The following ZNF618 variants were observed in gnomAD, a reference collection of about 807,000 sequenced individuals.
ZNF618 encodes the protein zinc finger protein 618, also known as neural precursor cell expressed, developmentally down-regulated 10.
ZNF618 carries 34 observed loss-of-function variants against 103.0 expected under a neutral mutation model. The ratio of observed to expected loss-of-function variants is 0.33; its 90% CI spans 0.25 to 0.44. The LOEUF (loss-of-function observed/expected upper bound fraction) is 0.44, where lower values mean the gene tolerates loss of function less well. Ranked by LOEUF, ZNF618 falls within the 20% of genes least tolerant of loss-of-function variation. ZNF618 has a pLI of 1.00. For missense variants in ZNF618, 1,059 were observed against 1,295.4 expected (o/e 0.82, Z 2.80); for synonymous variants, 551 against 542.2 (o/e 1.02, Z -0.23).
intron 1 of ZNF618, among the ~76,000 whole-genome samples, chr9:113,905,570 GA>G (rs1397831589): frequency 6.6e-6 from 1 of 152,200 alleles, no homozygotes; most frequent in Non-Finnish European, 1.5e-5. Flanking sequence ...AAAGCCTGTA[GA>G]CCAGGAGTCT....
intron 1 of ZNF618, among the ~76,000 whole-genome samples, chr9:113,880,682 G>T (rs1293195876): frequency 1.3e-5 from 2 of 152,236 alleles, no homozygotes; most frequent in South Asian, 2.1e-4. Context: ...GAATATAGGG[G>T]AACAAAAAAT....
intron 3 of ZNF618, among the ~76,000 whole-genome samples, chr9:113,996,624 A>T (rs1268749706): frequency 3.3e-5 from 5 of 152,042 alleles, no homozygotes; most frequent in African/African-American, 4.8e-5. Flanking sequence ...GTGAACTCGG[A>T]TTAGTTGGGA....
At chr9:113,959,087 C>T (rs140796615) in intron 1 of ZNF618, among the ~76,000 whole-genome samples, 1,721 of 152,194 alleles carry the variant, frequency 0.011, 29 homozygotes, top group African/African-American at 0.04. Flanking sequence ...ATCGGGAGTT[C>T]GAGACCAGCC....
chr9:113,986,309 C>G (rs1288763353), intron 2 of ZNF618, among the ~76,000 whole-genome samples: 1 of 152,246 alleles, frequency 6.6e-6, no homozygotes, highest in Non-Finnish European at 1.5e-5. Flanking sequence ...TTGCTCCTGA[C>G]TGGTTTTCCC....
chr9:114,046,570 G>T (rs1309275693), intron 13 of ZNF618, among the ~76,000 whole-genome samples: 1 of 152,198 alleles, frequency 6.6e-6, no homozygotes, highest in Non-Finnish European at 1.5e-5. Context: ...TCTACATGTT[G>T]AATAGAAGAA....
intron 1 of ZNF618, among the ~76,000 whole-genome samples, chr9:113,905,058 A>C (rs1192807027): frequency 6.6e-6 from 1 of 150,894 alleles, no homozygotes; most frequent in Non-Finnish European, 1.5e-5. Context: ...CAGTCATTAA[A>C]TTACTTGGAA....
chr9:114,053,900 C>T lies in ZNF618; in HGVS notation c.*3733C>T, dbSNP rs949688789. ...GTGAGGAAGCTTTGCCACCATCCTG[C>T]TTGGCAGCTTCACACTTGACATCTG... On this transcript the variant is annotated 3_prime_UTR_variant, in exon 15 of 15. Transcript: ENST00000374126. 6.6e-6 allele frequency: 1 copy of T among 152,256 alleles called. No homozygotes were observed. The highest frequency in any genetic ancestry group is 1.5e-5 in the Non-Finnish European group (1 of 68,066). 9.4% of individuals were successfully genotyped at this position (152,256 alleles called of 1,614,324 possible).
At chr9:113,953,486 G>A (rs1372542384) in intron 1 of ZNF618, among the ~76,000 whole-genome samples, 1 of 152,218 alleles carries the variant, frequency 6.6e-6, no homozygotes, top group Non-Finnish European at 1.5e-5. Flanking sequence ...TGCTTTTAGG[G>A]ATATTGTATA....
At chr9:114,004,843 A>G (rs1240319434) in intron 6 of ZNF618, among the ~76,000 whole-genome samples, 1 of 152,246 alleles carries the variant, frequency 6.6e-6, no homozygotes, top group Non-Finnish European at 1.5e-5. Context: ...AGGCGGGCCT[A>G]GAAATGAAAT....
At chr9:114,009,240 G>A (rs1051400108) in intron 9 of ZNF618, among the ~76,000 whole-genome samples, 1 of 152,144 alleles carries the variant, frequency 6.6e-6, no homozygotes, top group Non-Finnish European at 1.5e-5. Flanking sequence ...GGGAGCTGTG[G>A]GAGGCCTGAG....
chr9:113,930,130 C>T lies in ZNF618; in HGVS notation c.34-38987C>T, dbSNP rs1438327952. 4.6e-5 allele frequency among the ~76,000 whole-genome samples: 7 copies of T among 152,288 alleles called. No homozygotes were observed. In the South Asian group the frequency reaches 6.2e-4, roughly 14 times the overall value. On this transcript the variant is annotated intron_variant, in intron 1 of 14. Coordinates refer to ENST00000374126, the MANE Select transcript of ZNF618 (RefSeq NM_001318042.2). ...TTTGCAAAGGAGACCTAGTGTTACACGTTGTCTGTAGGTTCTGAAGCCAAA... is the reference window on the plus strand; with the variant it reads ...TTTGCAAAGGAGACCTAGTGTTACATGTTGTCTGTAGGTTCTGAAGCCAAA...
rs928545572 is a variant in ZNF618, at chr9:113,884,781, A to C, written c.33+8368A>C. ...TATCGAGACACAAACACACAGAGAGAGAGAGAGAGAGAGAGAGAGAGAGAG... is the reference window on the plus strand; with the variant it reads ...TATCGAGACACAAACACACAGAGAGCGAGAGAGAGAGAGAGAGAGAGAGAG... On this transcript the variant is annotated intron_variant, in intron 1 of 14. Transcript: ENST00000374126. Among the ~76,000 whole-genome samples, 28 of 121,044 alleles carry C rather than the reference A, an allele frequency of 2.3e-4. No homozygotes were observed. The South Asian group carries it at 4.0e-3, about 17-fold the overall frequency. The allele number at this position is 121,044 out of a possible 152,430, so 79.4% of individuals were successfully genotyped here. A position where few individuals can be genotyped will look rare whatever the true frequency, so the allele number is the denominator to read the frequency against.
At chr9:113,898,104 T>A (rs554787549) in intron 1 of ZNF618, among the ~76,000 whole-genome samples, 2 of 151,990 alleles carry the variant, frequency 1.3e-5, no homozygotes, top group Non-Finnish European at 2.9e-5. Context: ...CTTAACTGGT[T>A]TAATGGTGTT....
chr9:113,915,749 G>A (rs1832011807), intron 1 of ZNF618, among the ~76,000 whole-genome samples: 1 of 151,954 alleles, frequency 6.6e-6, no homozygotes, highest in Admixed American at 6.6e-5. Context: ...ATAGAGAGAG[G>A]TAGATGGATG....
chr9:113,957,612 C>T (rs1218214433), intron 1 of ZNF618, among the ~76,000 whole-genome samples: 3 of 152,132 alleles, frequency 2.0e-5, no homozygotes, highest in African/African-American at 7.2e-5. Context: ...ATTACCCTGG[C>T]CATATCAAAG....
rs759571727 is a variant in ZNF618 at position 114,028,804 on chromosome 9, C to T, written c.916C>T (p.Pro306Ser). Reference sequence around the variant, plus strand: ...TGAGTGTTCACATCCAGAGGTCTCCCCATCTCCACGCTTCGTGGCAGCGAA... The same window carrying T: ...TGAGTGTTCACATCCAGAGGTCTCCTCATCTCCACGCTTCGTGGCAGCGAA... ...GSECSHPEVS[P>S]SPRFVAAKTQ... Residue 306 changes from proline to serine, a missense_variant, in exon 11 of 15, where the codon CCA (proline) becomes TCA (serine). Physicochemically the swap from Pro to Ser is moderately conservative, Grantham distance 74. Coordinates refer to ENST00000374126, the MANE Select transcript of ZNF618 (RefSeq NM_001318042.2). 1.3e-6 allele frequency: 2 copies of T among 1,550,596 alleles called. No individual in the cohort carries two copies. The highest frequency in any genetic ancestry group is 8.7e-7 in the Non-Finnish European group (1 of 1,147,008).
intron 1 of ZNF618, among the ~76,000 whole-genome samples, chr9:113,895,455 A>G (rs1829958379): frequency 1.3e-5 from 2 of 152,158 alleles, no homozygotes; most frequent in South Asian, 2.1e-4. Flanking sequence ...CCTGGGTCCA[A>G]TTTGCAGCGT....
intron 1 of ZNF618, among the ~76,000 whole-genome samples, chr9:113,904,842 C>G (rs192468957): frequency 4.6e-5 from 7 of 152,334 alleles, no homozygotes; most frequent in Admixed American, 1.3e-4. Context: ...CTGGCTCTCT[C>G]TCTTCTGCCT....
chr9:113,948,179 C>T (rs1835231337), intron 1 of ZNF618, among the ~76,000 whole-genome samples: 1 of 152,184 alleles, frequency 6.6e-6, no homozygotes, highest in African/African-American at 2.4e-5. Flanking sequence ...GGAATTTTCA[C>T]TCCCTTTGTA....
Sources: allele counts gnomAD v4.1 joint callset (sites outside exome capture counted in the v4.1 genomes callset), GRCh38; gene constraint gnomAD v4.1.1; transcripts MANE v1.5; gene names NCBI Gene and HGNC (gene_info 2026-07-23, HGNC 2026-07-21).